Variants in FADS6 observed in about 807,000 individuals in gnomAD.
The protein encoded by FADS6 is fatty acid desaturase domain family, member 6.
A neutral mutation model predicts 31.7 loss-of-function variants in FADS6; 28 were observed. That is an observed-to-expected ratio of 0.88 (90% CI 0.66 to 1.21). FADS6 has a LOEUF of 1.21. FADS6 is among the 50% of genes most tolerant of loss of function. The pLI, the probability that FADS6 is intolerant of heterozygous loss-of-function variation, is 0.00. For synonymous variants in FADS6, 191 were observed against 213.1 expected, an observed-to-expected ratio of 0.90 and a Z score of 0.90; for missense variants, 494 against 504.2, an observed-to-expected ratio of 0.98 and a Z score of 0.19.
intron 3 of FADS6, among the ~76,000 whole-genome samples, chr17:74,882,288 A>C (rs2038578680): frequency 6.6e-6 from 1 of 152,196 alleles, no homozygotes; most frequent in Non-Finnish European, 1.5e-5. Context: ...ACCATACTTG[A>C]GGAGGAGGTA....
downstream of FADS6, among the ~76,000 whole-genome samples, chr17:74,874,932 G>A (rs1414991571): frequency 2.0e-5 from 3 of 152,142 alleles, no homozygotes; most frequent in Non-Finnish European, 2.9e-5. Flanking sequence ...TTACTATCTG[G>A]TCCTTTACAG....
chr17:74,878,132 C>T lies in FADS6; in HGVS notation c.*199G>A. 1 of 1,416,646 alleles carries T rather than the reference C, an allele frequency of 7.1e-7. No homozygotes were observed. Among genetic ancestry groups the T allele is most frequent in the South Asian group, 1.5e-5 (1 of 65,142 alleles). 87.8% of individuals were successfully genotyped at this position (1,416,646 alleles called of 1,614,324 possible). A position where few individuals can be genotyped will look rare whatever the true frequency, so the allele number is the denominator to read the frequency against. ...CCACCATTACCGCTTCACCCAGACA[C>T]CCCTCAAAACCCAGAAAAGCACGCA... On this transcript the variant is annotated 3_prime_UTR_variant, in exon 6 of 6. Transcript: ENST00000612771.
chr17:74,881,514 A>G (rs1028140173), intron 3 of FADS6, among the ~76,000 whole-genome samples: 1 of 152,170 alleles, frequency 6.6e-6, no homozygotes, highest in African/African-American at 2.4e-5. Flanking sequence ...CCTGGGAAAC[A>G]TGGTGAAACC....
intron 2 of FADS6, among the ~76,000 whole-genome samples, chr17:74,888,167 C>CGCGT (rs1491133072): frequency 1.4e-5 from 2 of 145,258 alleles, no homozygotes; most frequent in Non-Finnish European, 3.1e-5. Flanking sequence ...CGCGCGCGCG[C>CGCGT]GCGCGCAGAG....
At chr17:74,890,357 C>G (rs1482764034) in intron 2 of FADS6, among the ~76,000 whole-genome samples, 1 of 152,224 alleles carries the variant, frequency 6.6e-6, no homozygotes, top group Non-Finnish European at 1.5e-5. Context: ...CCCCTTCCCC[C>G]ACACTTGGAA....
intron 3 of FADS6, among the ~76,000 whole-genome samples, chr17:74,881,481 T>C (rs2038568577): frequency 6.6e-6 from 1 of 152,154 alleles, no homozygotes; most frequent in Non-Finnish European, 1.5e-5. Context: ...GCAGATCGCT[T>C]GAGCCTAGGA....
At chr17:74,889,203 G>A (rs1288686077) in intron 2 of FADS6, among the ~76,000 whole-genome samples, 1 of 152,160 alleles carries the variant, frequency 6.6e-6, no homozygotes, top group African/African-American at 2.4e-5. Flanking sequence ...TGGGCACCTG[G>A]GACCGCCAAT....
At chr17:74,878,969 C>T (rs2038536290) in intron 5 of FADS6, 2 of 204,136 alleles carry the variant, frequency 9.8e-6, no homozygotes, top group African/African-American at 4.8e-5. Context: ...CCTGGGTGAC[C>T]TCTGACCAGG....
Position 74,879,438 on chromosome 17 carries a change from A to G in FADS6, c.926T>C (p.Leu309Pro). The G allele has an allele frequency of 1.9e-6, 3 of 1,613,956 alleles. No homozygotes were observed. Among genetic ancestry groups the G allele is most frequent in the Non-Finnish European group, 2.5e-6 (3 of 1,179,892 alleles). ...SIISCHVEHH[L>P]FPRLSDNMCL... ...CATGTTATCAGAGAGCCTGGGGAATAGATGGTGTTCCACATGGCAGCTGAT... is the reference window on the plus strand; with the variant it reads ...CATGTTATCAGAGAGCCTGGGGAATGGATGGTGTTCCACATGGCAGCTGAT... Residue 309 changes from leucine to proline, a missense_variant, in exon 5 of 6, where the codon CTA becomes CCA. Leu to Pro is a moderately conservative substitution (Grantham distance 98). Around this residue, in one of 2 missense-constraint regions of FADS6, gnomAD observed 454 missense variants for 438.5 expected, o/e 1.04. Transcript: ENST00000612771.
chr17:74,885,069 C>CT (rs2038609509), intron 2 of FADS6, among the ~76,000 whole-genome samples: 4 of 152,082 alleles, frequency 2.6e-5, no homozygotes, highest in African/African-American at 9.7e-5. Context: ...CAAGGGGATA[C>CT]TGCCAAACCA....
rs2038718287 is a variant in FADS6, at chr17:74,893,517, G to GTTCCATGGGCTCCGTAGA, written c.78_79insTCTACGGAGCCCATGGAA (p.Glu26_Pro27insSerThrGluProMetGlu). ...CGCGCCGGTTCCATGGGCTCCGTAG[G>GTTCCATGGGCTCCGTAGA]TTCCATGGGCTCCGTAGGTTCCATG... On this transcript the variant is annotated inframe_insertion, in exon 1 of 6. Transcript: ENST00000612771. 4 of 1,578,282 alleles carry GTTCCATGGGCTCCGTAGA rather than the reference G, an allele frequency of 2.5e-6. No individual in the cohort carries two copies. Among genetic ancestry groups the GTTCCATGGGCTCCGTAGA allele is most frequent in the Non-Finnish European group, 3.4e-6 (4 of 1,161,986 alleles).
At chr17:74,882,417 C>T (rs762083224) in intron 3 of FADS6, 113 bp downstream of exon 3, 14 of 1,218,108 alleles carry the variant, frequency 1.1e-5, no homozygotes, top group East Asian at 5.1e-5. Flanking sequence ...TGTCTCAGCA[C>T]GTATCTATCG....
chr17:74,891,524 G>A (rs1051665626), intron 2 of FADS6, among the ~76,000 whole-genome samples: 4 of 152,044 alleles, frequency 2.6e-5, no homozygotes, highest in Non-Finnish European at 5.9e-5. Flanking sequence ...CGGGACTAAT[G>A]CTCAGGGCTC....
At chr17:74,893,294 G>A in intron 1 of FADS6, 58 bp downstream of exon 1, 2 of 1,455,644 alleles carry the variant, frequency 1.4e-6, no homozygotes, top group Non-Finnish European at 1.8e-6. Flanking sequence ...CGCCACCTCC[G>A]CCGCACCCCG....
rs568829745 is a variant in FADS6 at position 74,878,318 on chromosome 17, C to T, written c.*13G>A. The T allele has an allele frequency of 5.6e-6, 9 of 1,608,168 alleles. No homozygotes were observed. Among genetic ancestry groups the T allele is most frequent in the Middle Eastern group, 1.7e-4 (1 of 6,056 alleles). ...CCAGGGAGGGGCAGGGTGGCTGCAC[C>T]GGCCCGGCCTCATTACAGCCCCACA... On this transcript the variant is annotated 3_prime_UTR_variant, in exon 6 of 6. Coordinates refer to ENST00000612771, the MANE Select transcript of FADS6 (RefSeq NM_178128.6).
At chr17:74,880,117 G>C (rs2038551955) in intron 4 of FADS6, among the ~76,000 whole-genome samples, 2 of 152,168 alleles carry the variant, frequency 1.3e-5, no homozygotes, top group South Asian at 4.1e-4. Context: ...TGCTGGACAA[G>C]GAAGTACAGG....
chr17:74,886,321 G>A lies in FADS6; in HGVS notation c.412-3611C>T, dbSNP rs141153519. ...CTAAAAATACAAAAATTAGCAGAGCGTGGTGGTGCACGCCTGTACTCCCAG... is the reference window on the plus strand; with the variant it reads ...CTAAAAATACAAAAATTAGCAGAGCATGGTGGTGCACGCCTGTACTCCCAG... On this transcript the variant is annotated intron_variant, in intron 2 of 5. Coordinates refer to ENST00000612771, the MANE Select transcript of FADS6 (RefSeq NM_178128.6). 3.8e-4 allele frequency among the ~76,000 whole-genome samples: 57 copies of A among 151,288 alleles called. 2 individuals are homozygous for A. The East Asian group carries it at 4.3e-3, about 11-fold the overall frequency.
intron 2 of FADS6, among the ~76,000 whole-genome samples, chr17:74,891,199 G>A (rs547917118): frequency 1.4e-4 from 20 of 145,406 alleles, no homozygotes; most frequent in African/African-American, 4.6e-4. Flanking sequence ...CACCATGCCC[G>A]GCTAATTTTT....
Position 74,877,681 on chromosome 17 carries a change from C to T in FADS6, c.*650G>A. 1 of 985,168 alleles carries T rather than the reference C, an allele frequency of 1.0e-6. No homozygotes were observed. The highest frequency in any genetic ancestry group is 4.7e-5 in the South Asian group (1 of 21,298). The allele number at this position is 985,168 out of a possible 1,614,324, so 61.0% of individuals were successfully genotyped here. A position where few individuals can be genotyped will look rare whatever the true frequency, so the allele number is the denominator to read the frequency against. On this transcript the variant is annotated 3_prime_UTR_variant, in exon 6 of 6. Transcript: ENST00000612771. ...CTCTGTCCCTGGGGAACCTTCTCCC[C>T]TCACTTCCCCTGGAGTTCCCTCCCG...
Sources: gnomAD v4.1 joint callset for allele counts (sites outside exome capture counted in the v4.1 genomes callset) on GRCh38, gnomAD v4.1.1 for gene constraint, gnomAD v4.1.1 regional missense constraint, MANE v1.5 for transcripts, NCBI Gene and HGNC (gene_info 2026-07-23, HGNC 2026-07-21) for gene names.